TJP1: variants seen among roughly 807,000 people sequenced by gnomAD.
TJP1 encodes tight junction protein ZO-1.
A neutral mutation model predicts 194.2 loss-of-function variants in TJP1; 43 were observed. That is an observed-to-expected ratio of 0.22 (90% CI 0.17 to 0.29). TJP1 has a LOEUF of 0.29. TJP1 is among the 10% of genes least tolerant of loss of function. TJP1 has a pLI of 1.00. For missense variants in TJP1, 1,971 were observed against 2,185.7 expected, an observed-to-expected ratio of 0.90 and a Z score of 1.96; for synonymous variants, 801 against 779.0, an observed-to-expected ratio of 1.03 and a Z score of -0.47.
chr15:29,956,687 C>T (rs900433359), intron 1 of TJP1, among the ~76,000 whole-genome samples: 2 of 152,106 alleles, frequency 1.3e-5, no homozygotes, highest in African/African-American at 2.4e-5. Context: ...CGAGCCCAGC[C>T]TGGGCAATAC....
At chr15:29,779,361 A>AC (rs2047210445) in intron 2 of TJP1, among the ~76,000 whole-genome samples, 1 of 151,638 alleles carries the variant, frequency 6.6e-6, no homozygotes, top group South Asian at 2.1e-4. Flanking sequence ...ACTTTTCCTT[A>AC]CCCCCAATCT....
intron 2 of TJP1, among the ~76,000 whole-genome samples, chr15:29,829,885 G>A (rs56001500): frequency 0.065 from 9,821 of 151,778 alleles, 405 homozygotes; most frequent in Middle Eastern, 0.12. Context: ...AACACTGGAA[G>A]GAAAACTAAG....
At chr15:29,846,471 G>T (rs1180729095) in intron 2 of TJP1, among the ~76,000 whole-genome samples, 1 of 152,072 alleles carries the variant, frequency 6.6e-6, no homozygotes, top group Non-Finnish European at 1.5e-5. Context: ...TTACACACAA[G>T]AGAAGGGAGA....
At chr15:29,959,148 CCTGA>C (rs1188549683) in intron 1 of TJP1, among the ~76,000 whole-genome samples, 2 of 151,924 alleles carry the variant, frequency 1.3e-5, no homozygotes, top group Admixed American at 6.6e-5. Flanking sequence ...CATCACCACA[CCTGA>C]CTAATTTTCT....
At chr15:29,699,843 G>C, downstream of TJP1, 1 of 162,194 alleles carries the variant, frequency 6.2e-6, no homozygotes, top group Non-Finnish European at 1.3e-5. Context: ...ACACACAAAC[G>C]CACGTGTGTC....
At chr15:29,924,016 T>C (rs1012234678) in intron 2 of TJP1, among the ~76,000 whole-genome samples, 10 of 152,216 alleles carry the variant, frequency 6.6e-5, no homozygotes, top group South Asian at 4.1e-4. Flanking sequence ...ATCTGACATA[T>C]TGACAGTACA....
intron 2 of TJP1, among the ~76,000 whole-genome samples, chr15:29,848,443 T>A (rs369583549): frequency 6.6e-6 from 1 of 152,244 alleles, no homozygotes; most frequent in Admixed American, 6.5e-5. Flanking sequence ...ATTAAGCATA[T>A]CTTAAAATGC....
rs1566906250 is a variant in TJP1 at position 29,726,866 on chromosome 15, C to A, written c.2226G>T (p.Arg742Ser). ...SKQGVKTMRM[R>S]LCPESRKSAR... is the part of the protein sequence containing the mutation. Reference sequence around the variant, plus strand: ...CACTTTTCCGAGATTCTGGACATAACCTCATTCTCATTGTTTTTACTCCTT... The same window carrying A: ...CACTTTTCCGAGATTCTGGACATAAACTCATTCTCATTGTTTTTACTCCTT... The change falls in exon 17 of 28, where the codon AGG becomes AGT. Residue 742 changes from arginine to serine, a missense_variant. By Grantham distance (110) the Arg-to-Ser change is moderately radical (BLOSUM62 -1). Around this residue, in one of 5 missense-constraint regions of TJP1, gnomAD observed 402 missense variants for 484.2 expected, o/e 0.83. Transcript: ENST00000614355. The A allele has an allele frequency of 1.2e-6, 2 of 1,614,154 alleles. No homozygotes were observed. Among genetic ancestry groups the A allele is most frequent in the Non-Finnish European group, 1.7e-6 (2 of 1,180,034 alleles).
At chr15:29,761,560 T>C (rs545341607) in intron 7 of TJP1, 41 bp downstream of exon 7, 35 of 1,551,624 alleles carry the variant, frequency 2.3e-5, no homozygotes, top group South Asian at 2.3e-4. Context: ...TTTAAGAAAA[T>C]AGGTCACTTA....
intron 16 of TJP1, among the ~76,000 whole-genome samples, 198 bp downstream of exon 16, chr15:29,727,739 A>G (rs2043332004): frequency 6.6e-6 from 1 of 152,230 alleles, no homozygotes; most frequent in African/African-American, 2.4e-5. Context: ...TGTGGTAATG[A>G]AAAATCATCT....
intron 2 of TJP1, among the ~76,000 whole-genome samples, chr15:29,861,185 A>T (rs1394500924): frequency 6.6e-6 from 1 of 152,184 alleles, no homozygotes; most frequent in Non-Finnish European, 1.5e-5. Context: ...GACAACTCTT[A>T]TGTTTAACAT....
At chr15:29,737,697 C>G (rs2044129141) in intron 10 of TJP1, among the ~76,000 whole-genome samples, 1 of 152,184 alleles carries the variant, frequency 6.6e-6, no homozygotes, top group South Asian at 2.1e-4. Flanking sequence ...TTTCTCAACT[C>G]TCAAAGAGTT....
intron 3 of TJP1, 52 bp from the exon 4 acceptor site, chr15:29,772,218 G>A: frequency 1.8e-6 from 2 of 1,128,386 alleles, no homozygotes; most frequent in East Asian, 2.5e-5. Context: ...ATTCTGGTAA[G>A]TTTATGATGA....
chr15:29,953,330 C>T (rs1373033407), intron 2 of TJP1, among the ~76,000 whole-genome samples: 4 of 151,852 alleles, frequency 2.6e-5, no homozygotes, highest in Non-Finnish European at 4.4e-5. Flanking sequence ...TTAATAGAGA[C>T]GGGGTTGTGC....
At position 29,766,440 on chromosome 15, in the gene TJP1, G is replaced by A. The variant is rs1417348928; in HGVS notation, c.415C>T (p.Pro139Ser). 2.5e-6 allele frequency: 4 copies of A among 1,614,032 alleles called. No individual in the cohort carries two copies. The Admixed American group carries it at 6.7e-5, about 27-fold the overall frequency. ...EDSYDEEIHD[P>S]RSGRSGVVNR... The stretch of plus-strand genomic sequence containing the variant: ...ACCACACCACTCCGGCCACTTCTTG[G>A]ATCATGTATTTCCTCATCATAACTA... Residue 139 changes from proline (P) to serine (S), a missense_variant, in exon 5 of 28, where the codon CCA becomes TCA. This residue lies in a region of TJP1 where 245 missense variants were observed against 336.6 expected (regional missense o/e 0.73). Coordinates refer to ENST00000614355, the MANE Select transcript of TJP1 (RefSeq NM_001330239.4).
At chr15:29,946,849 A>C (rs899482447) in intron 2 of TJP1, among the ~76,000 whole-genome samples, 1 of 152,218 alleles carries the variant, frequency 6.6e-6, no homozygotes, top group Non-Finnish European at 1.5e-5. Flanking sequence ...CAATATGAAC[A>C]CACAAATTCT....
intron 8 of TJP1, among the ~76,000 whole-genome samples, chr15:29,752,546 A>C (rs1814063205): frequency 6.6e-6 from 1 of 152,178 alleles, no homozygotes. Flanking sequence ...CATTAACTAG[A>C]GAAACTTAAT....
intron 2 of TJP1, among the ~76,000 whole-genome samples, chr15:29,926,312 G>C (rs890924782): frequency 6.6e-6 from 1 of 152,130 alleles, no homozygotes; most frequent in Non-Finnish European, 1.5e-5. Flanking sequence ...AAATAGTAAA[G>C]AAGCATTTGG....
In TJP1 at chr15:29,821,969, C is replaced by A. The variant is rs747142745; in HGVS notation, c.27+33G>T. 22 of 1,243,798 alleles carry A rather than the reference C, an allele frequency of 1.8e-5. No individual in the cohort carries two copies. The African/African-American group carries it at 1.9e-4, about 11-fold the overall frequency. 77.0% of individuals were successfully genotyped at this position (1,243,798 alleles called of 1,614,324 possible). On this transcript the variant is annotated intron_variant, in intron 1 of 27. Coordinates refer to ENST00000614355, the MANE Select transcript of TJP1 (RefSeq NM_001330239.4). Reference sequence around the variant, plus strand: ...GGTGGGCGGGCGGCGACGGTCGGCCCGGTCTGGCCCTGGCGGCCGCGGAGG... The same window carrying A: ...GGTGGGCGGGCGGCGACGGTCGGCCAGGTCTGGCCCTGGCGGCCGCGGAGG...
Sources: allele counts gnomAD v4.1 joint callset (sites outside exome capture counted in the v4.1 genomes callset), GRCh38; gene constraint gnomAD v4.1.1; regional missense constraint gnomAD v4.1.1; transcripts MANE v1.5; gene names NCBI Gene and HGNC (gene_info 2026-07-23, HGNC 2026-07-21).